Variants in ETV6 observed in about 807,000 individuals in gnomAD.
The protein encoded by ETV6 is ETS variant transcription factor 6.
ETV6 carries 16 observed loss-of-function variants against 51.1 expected under a neutral mutation model. The ratio of observed to expected loss-of-function variants is 0.31; its 90% CI spans 0.21 to 0.48. The LOEUF is 0.48. Ranked by LOEUF, ETV6 falls within the 20% of genes least tolerant of loss-of-function variation. The pLI is 0.99. For synonymous variants in ETV6, 240 were observed against 224.1 expected, an observed-to-expected ratio of 1.07 and a Z score of -0.64; for missense variants, 458 against 594.8, an observed-to-expected ratio of 0.77 and a Z score of 2.39.
Position 11,664,318 on chromosome 12 carries a change from GTTA to G in ETV6, c.33+14161_33+14163del, listed in dbSNP as rs1591594074. 2.6e-5 allele frequency among the ~76,000 whole-genome samples: 4 copies of G among 152,174 alleles called. No homozygotes were observed. In the East Asian group the frequency reaches 7.7e-4, roughly 29 times the overall value. ...TTTGCTAGCCTGGCAGAGTCTTATT[GTTA>G]TTGTTTTTATTTATTTATTTTTGTC... On this transcript the variant is annotated intron_variant, in intron 1 of 7. Coordinates refer to ENST00000396373, the MANE Select transcript of ETV6 (RefSeq NM_001987.5).
At chr12:11,695,769 T>C (rs1864867618) in intron 1 of ETV6, among the ~76,000 whole-genome samples, 1 of 152,204 alleles carries the variant, frequency 6.6e-6, no homozygotes, top group Non-Finnish European at 1.5e-5. Context: ...TCCTGGAGGA[T>C]TGTGAGGAAC....
At chr12:11,823,574 C>G (rs1363985028) in intron 2 of ETV6, among the ~76,000 whole-genome samples, 1 of 150,132 alleles carries the variant, frequency 6.7e-6, no homozygotes, top group Admixed American at 6.7e-5. Flanking sequence ...GGAAATGATT[C>G]TCTTGCCTCA....
chr12:11,824,094 T>G (rs1352214460), intron 2 of ETV6, among the ~76,000 whole-genome samples: 1 of 152,228 alleles, frequency 6.6e-6, no homozygotes, highest in Non-Finnish European at 1.5e-5. Context: ...AGGGGCTCTG[T>G]GTTTCCCAGC....
At chr12:11,864,940 A>G (rs1376374660) in intron 4 of ETV6, among the ~76,000 whole-genome samples, 2 of 152,176 alleles carry the variant, frequency 1.3e-5, no homozygotes, top group East Asian at 3.9e-4. Flanking sequence ...AATCTCAGAT[A>G]TATAATTTCC....
intron 1 of ETV6, among the ~76,000 whole-genome samples, chr12:11,670,074 C>T (rs1354119955): frequency 2.0e-5 from 3 of 150,870 alleles, no homozygotes; most frequent in Non-Finnish European, 4.4e-5. Flanking sequence ...TGTAGTTCAT[C>T]GTTTCCTTTT....
intron 5 of ETV6, among the ~76,000 whole-genome samples, chr12:11,877,621 T>C (rs1947011552): frequency 6.6e-6 from 1 of 152,170 alleles, no homozygotes; most frequent in African/African-American, 2.4e-5. Context: ...TGCCCTTCTG[T>C]AGACCTCTGT....
At chr12:11,853,064 G>A (rs1216433098) in intron 3 of ETV6, among the ~76,000 whole-genome samples, 3 of 152,168 alleles carry the variant, frequency 2.0e-5, no homozygotes, top group Non-Finnish European at 4.4e-5. Flanking sequence ...GTTCGCACCT[G>A]TAGTCCCAGC....
intron 2 of ETV6, among the ~76,000 whole-genome samples, chr12:11,811,119 T>G (rs1422456561): frequency 2.0e-5 from 3 of 152,206 alleles, no homozygotes; most frequent in Non-Finnish European, 4.4e-5. Context: ...TTTTTTGTCT[T>G]CTCTAACTCA....
chr12:11,705,313 A>G (rs766435027), intron 1 of ETV6, among the ~76,000 whole-genome samples: 18 of 152,364 alleles, frequency 1.2e-4, no homozygotes, highest in Admixed American at 5.9e-4. Flanking sequence ...TTTTTCTACA[A>G]TAGCCAAAGG....
At chr12:11,676,238 C>T (rs530450921) in intron 1 of ETV6, among the ~76,000 whole-genome samples, 3 of 152,186 alleles carry the variant, frequency 2.0e-5, no homozygotes, top group African/African-American at 7.2e-5. Flanking sequence ...AGTCTACTCT[C>T]AGCTTGGAAA....
At chr12:11,854,052 C>A (rs1029660576) in intron 4 of ETV6, among the ~76,000 whole-genome samples, 2 of 152,010 alleles carry the variant, frequency 1.3e-5, no homozygotes, top group South Asian at 2.1e-4. Flanking sequence ...TTATACAATC[C>A]ACCATAATGT....
chr12:11,894,669 A>G lies in ETV6; in HGVS notation c.*3623A>G, dbSNP rs1947365618. On this transcript the variant is annotated 3_prime_UTR_variant, in exon 8 of 8. Coordinates refer to ENST00000396373, the MANE Select transcript of ETV6 (RefSeq NM_001987.5). ...TTACCGAAATGATGAAGTAACCACC[A>G]TTCCCACCTTTCACTGCCTAGGCTC... is the stretch of plus-strand genomic sequence containing the variant. The G allele has an allele frequency of 4.3e-6, 1 of 233,166 alleles. No homozygotes were observed. Among genetic ancestry groups the G allele is most frequent in the Non-Finnish European group, 8.5e-6 (1 of 118,032 alleles). 14.4% of individuals were successfully genotyped at this position (233,166 alleles called of 1,614,324 possible).
At chr12:11,879,064 C>T (rs1947044751) in intron 5 of ETV6, among the ~76,000 whole-genome samples, 1 of 152,120 alleles carries the variant, frequency 6.6e-6, no homozygotes, top group Non-Finnish European at 1.5e-5. Context: ...GCCCCCAGTT[C>T]AGAACCATAT....
At chr12:11,770,369 C>G (rs1342440041) in intron 2 of ETV6, among the ~76,000 whole-genome samples, 1 of 151,876 alleles carries the variant, frequency 6.6e-6, no homozygotes, top group East Asian at 1.9e-4. Flanking sequence ...CTTCACTTAC[C>G]TCACGCTTAC....
chr12:11,745,507 T>TC (rs1439561648), intron 1 of ETV6, among the ~76,000 whole-genome samples: 1 of 152,224 alleles, frequency 6.6e-6, no homozygotes, highest in Non-Finnish European at 1.5e-5. Flanking sequence ...AGATTTTAAA[T>TC]CTTTTTTCCC....
At chr12:11,868,697 C>G (rs1946827768) in intron 4 of ETV6, among the ~76,000 whole-genome samples, 1 of 151,904 alleles carries the variant, frequency 6.6e-6, no homozygotes, top group South Asian at 2.1e-4. Context: ...ATCACTAATA[C>G]TAATAACTCC....
At chr12:11,803,520 TTGAG>T (rs1565532185) in intron 2 of ETV6, among the ~76,000 whole-genome samples, 2 of 152,232 alleles carry the variant, frequency 1.3e-5, no homozygotes, top group African/African-American at 2.4e-5. Flanking sequence ...GTCCTCGTGA[TTGAG>T]TATTGATCTT....
intron 2 of ETV6, among the ~76,000 whole-genome samples, chr12:11,813,492 G>C (rs75087444): frequency 6.6e-6 from 1 of 152,202 alleles, no homozygotes; most frequent in South Asian, 2.1e-4. Flanking sequence ...CACAGCAGAC[G>C]CATAGACAAC....
intron 1 of ETV6, among the ~76,000 whole-genome samples, chr12:11,684,520 A>T (rs1864591055): frequency 6.6e-6 from 1 of 152,256 alleles, no homozygotes; most frequent in South Asian, 2.1e-4. Flanking sequence ...TGATGAGAAC[A>T]GTATAATGAA....
Sources: allele counts gnomAD v4.1 joint callset (sites outside exome capture counted in the v4.1 genomes callset), GRCh38; gene constraint gnomAD v4.1.1; transcripts MANE v1.5; gene names NCBI Gene and HGNC (gene_info 2026-07-23, HGNC 2026-07-21).